Variants in TRIM23 observed in about 807,000 individuals in gnomAD.
The protein encoded by TRIM23 is tripartite motif containing 23.
TRIM23 carries 27 observed loss-of-function variants against 71.0 expected under a neutral mutation model. The observed-to-expected ratio is 0.38, with a 90% CI of 0.28 to 0.52. The LOEUF (loss-of-function observed/expected upper bound fraction) is 0.52. Among genes scored for constraint, TRIM23 ranks in the 20% least tolerant of loss-of-function variants. The probability of loss-of-function intolerance (pLI) is 0.84; values close to 1 mark genes in which losing one functional copy is unlikely to be tolerated. For missense variants in TRIM23, 482 were observed against 692.3 expected (o/e 0.70, Z 3.41); for synonymous variants, 234 against 238.0 (o/e 0.98, Z 0.16).
chr5:65,594,477 C>A, intron 10 of TRIM23, 44 bp downstream of exon 10: 1 of 1,578,332 alleles, frequency 6.3e-7, no homozygotes, highest in South Asian at 1.2e-5. Context: ...TTTTGACATG[C>A]ACAAAACTAC....
At chr5:65,607,416 T>C (rs905825973) in intron 6 of TRIM23, among the ~76,000 whole-genome samples, 7 of 152,208 alleles carry the variant, frequency 4.6e-5, no homozygotes, top group African/African-American at 1.7e-4. Context: ...GCTGTTCTCA[T>C]GATAGTGATT....
chr5:65,618,055 AATTTTCAATCTT>A (rs777500152), intron 2 of TRIM23, 26 bp downstream of exon 2: 1 of 1,532,654 alleles, frequency 6.5e-7, no homozygotes, highest in Non-Finnish European at 8.8e-7. Context: ...TTACATGAAC[AATTTTCAATCTT>A]AAATCCATAC....
At chr5:65,608,904 T>C (rs1754574436) in intron 6 of TRIM23, among the ~76,000 whole-genome samples, 1 of 151,326 alleles carries the variant, frequency 6.6e-6, no homozygotes, top group Non-Finnish European at 1.5e-5. Flanking sequence ...AGAAGGAAGA[T>C]TTCCACTATT....
intron 7 of TRIM23, among the ~76,000 whole-genome samples, chr5:65,597,389 A>G (rs1754236702): frequency 6.6e-6 from 1 of 152,212 alleles, no homozygotes; most frequent in Non-Finnish European, 1.5e-5. Context: ...TTGTCTTTGT[A>G]TAACAGAATA....
At chr5:65,597,442 A>G (rs1290391295) in intron 7 of TRIM23, among the ~76,000 whole-genome samples, 3 of 152,166 alleles carry the variant, frequency 2.0e-5, no homozygotes, top group Non-Finnish European at 4.4e-5. Context: ...ACTCAAATGA[A>G]TCCTCTAAAT....
chr5:65,614,235 A>C lies in TRIM23; in HGVS notation c.245-16T>G, dbSNP rs1471070895. ...CCTGAATCACCTAGAATAAATATAAAAACAAAAACTAAATCTAACAAAATG... is the reference window on the plus strand; with the variant it reads ...CCTGAATCACCTAGAATAAATATAACAACAAAAACTAAATCTAACAAAATG... On this transcript the variant is annotated splice_polypyrimidine_tract_variant and intron_variant, in intron 2 of 10. Transcript: ENST00000231524. The C allele has an allele frequency of 2.5e-6, 4 of 1,608,292 alleles. No homozygotes were observed. In the African/African-American group the frequency reaches 5.3e-5, roughly 21 times the overall value.
At chr5:65,617,021 T>C (rs1233907818) in intron 2 of TRIM23, among the ~76,000 whole-genome samples, 1 of 152,160 alleles carries the variant, frequency 6.6e-6, no homozygotes, top group Non-Finnish European at 1.5e-5. Flanking sequence ...TCACCTGGCC[T>C]AAGTATAGTT....
chr5:65,619,304 A>G lies in TRIM23; in HGVS notation c.82-1049T>C, dbSNP rs1365387905. Among the ~76,000 whole-genome samples, 3 of 152,326 alleles carry G rather than the reference A, an allele frequency of 2.0e-5. No homozygotes were observed. The East Asian group carries it at 5.8e-4, about 29-fold the overall frequency. On this transcript the variant is annotated intron_variant, in intron 1 of 10. Coordinates refer to ENST00000231524, the MANE Select transcript of TRIM23 (RefSeq NM_001656.4). The stretch of plus-strand genomic sequence containing the variant: ...TCCTTTGGGCCCCGATGTACTCTGT[A>G]TAAGCGTCTACCGTAACACCCAAAA...
Position 65,590,315 on chromosome 5 carries a change from G to T in TRIM23, c.*1454C>A. 7.0e-7 allele frequency: 1 copy of T among 1,431,648 alleles called. No individual in the cohort carries two copies. Among genetic ancestry groups the T allele is most frequent in the Non-Finnish European group, 9.6e-7 (1 of 1,039,078 alleles). The allele number at this position is 1,431,648 out of a possible 1,614,324, so 88.7% of individuals were successfully genotyped here. A position where few individuals can be genotyped will look rare whatever the true frequency, so the allele number is the denominator to read the frequency against. On this transcript the variant is annotated 3_prime_UTR_variant, in exon 11 of 11. Transcript: ENST00000231524. ...CATGACCTTTTACCTGAAAAATAAA[G>T]GATGAAATATTACATTTATTTATTT...
chr5:65,590,192 A>T lies in TRIM23; in HGVS notation c.*1577T>A. On this transcript the variant is annotated 3_prime_UTR_variant, in exon 11 of 11. Coordinates refer to ENST00000231524, the MANE Select transcript of TRIM23 (RefSeq NM_001656.4). Reference sequence around the variant, plus strand: ...CAGTTCAAGTTCTCACAAGCAATACAACACCTTTTTTATTTTTCACAGTTA... The same window carrying T: ...CAGTTCAAGTTCTCACAAGCAATACTACACCTTTTTTATTTTTCACAGTTA... 1 of 759,642 alleles carries T rather than the reference A, an allele frequency of 1.3e-6. No homozygotes were observed. The highest frequency in any genetic ancestry group is 2.1e-6 in the Non-Finnish European group (1 of 467,472). 47.1% of individuals were successfully genotyped at this position (759,642 alleles called of 1,614,324 possible).
At chr5:65,595,021 A>G (rs1002277498) in intron 9 of TRIM23, among the ~76,000 whole-genome samples, 1 of 152,214 alleles carries the variant, frequency 6.6e-6, no homozygotes, top group African/African-American at 2.4e-5. Flanking sequence ...GTCTTTGAAT[A>G]AAAGACTAAA....
chr5:65,611,284 CTAAG>C (rs1214155523), intron 4 of TRIM23, among the ~76,000 whole-genome samples: 10 of 152,258 alleles, frequency 6.6e-5, no homozygotes, highest in South Asian at 4.1e-4. Flanking sequence ...AAATCATATC[CTAAG>C]TAAGAGCTAA....
At chr5:65,609,587 A>G in intron 5 of TRIM23, 129 bp from the exon 6 acceptor site, 1 of 968,380 alleles carries the variant, frequency 1.0e-6, no homozygotes, top group Non-Finnish European at 1.5e-6. Flanking sequence ...AAAATTAGCC[A>G]GCCGTGGTGG....
chr5:65,612,496 C>T (rs1409469609), intron 3 of TRIM23, among the ~76,000 whole-genome samples: 4 of 151,576 alleles, frequency 2.6e-5, no homozygotes, highest in South Asian at 4.2e-4. Flanking sequence ...TGCACAATCA[C>T]GGCAGAAAAC....
chr5:65,596,617 CTG>C (rs944779056), intron 8 of TRIM23, 86 bp from the exon 9 acceptor site: 2 of 790,850 alleles, frequency 2.5e-6, no homozygotes, highest in African/African-American at 1.8e-5. Flanking sequence ...CAGTTTATAA[CTG>C]TGACTTATCA....
At chr5:65,621,749 C>G (rs958802105) in intron 1 of TRIM23, among the ~76,000 whole-genome samples, 3 of 151,856 alleles carry the variant, frequency 2.0e-5, no homozygotes, top group African/African-American at 7.3e-5. Flanking sequence ...TCAAAAAATG[C>G]CAAAAAAGCT....
chr5:65,623,092 C>T (rs1581195659), intron 1 of TRIM23, among the ~76,000 whole-genome samples: 1 of 152,112 alleles, frequency 6.6e-6, no homozygotes, highest in African/African-American at 2.4e-5. Flanking sequence ...TCAACAACCA[C>T]CAATATTCAC....
intron 3 of TRIM23, among the ~76,000 whole-genome samples, chr5:65,612,581 A>G (rs1754681368): frequency 1.3e-5 from 2 of 152,104 alleles, no homozygotes; most frequent in African/African-American, 4.8e-5. Context: ...CACTTTAAGA[A>G]GGCTGAGGCA....
chr5:65,608,946 A>T (rs1250766308), intron 6 of TRIM23, among the ~76,000 whole-genome samples: 1 of 150,828 alleles, frequency 6.6e-6, no homozygotes, highest in Non-Finnish European at 1.5e-5. Flanking sequence ...TCCAAGCAGA[A>T]AAAAAAAAAA....
Sources: gnomAD v4.1 joint callset for allele counts (sites outside exome capture counted in the v4.1 genomes callset) on GRCh38, gnomAD v4.1.1 for gene constraint, MANE v1.5 for transcripts, NCBI Gene and HGNC (gene_info 2026-07-23, HGNC 2026-07-21) for gene names.